The following AFM variants were observed in gnomAD, a reference collection of about 807,000 sequenced individuals.
AFM encodes the protein afamin, also known as alpha-Alb.
In AFM, 82 loss-of-function variants were observed where a neutral mutation model predicts 68.7. The ratio of observed to expected loss-of-function variants is 1.19; its 90% CI spans 1.00 to 1.43. The LOEUF (loss-of-function observed/expected upper bound fraction) is 1.43, where lower values mean the gene tolerates loss of function less well. Among genes scored for constraint, AFM ranks in the 40% most tolerant of loss-of-function variants. The probability of loss-of-function intolerance (pLI) is 0.00; values close to 1 mark genes in which losing one functional copy is unlikely to be tolerated. For synonymous variants in AFM, 250 were observed against 234.2 expected (o/e 1.07, Z -0.61); for missense variants, 772 against 701.8 (o/e 1.10, Z -1.13).
intron 13 of AFM, 45 bp from the exon 14 acceptor site, chr4:73,503,005 T>C: frequency 6.3e-7 from 1 of 1,594,216 alleles, no homozygotes; most frequent in Non-Finnish European, 8.6e-7. Flanking sequence ...ACTAGTGTCT[T>C]AAATTTTTCT....
Position 73,481,867 on chromosome 4 carries a change from A to G in AFM, c.88+4A>G. ...CCCACACAACCTCGGGATATAGGTAAGAAATTTACTTGTATATCAGCTAAA... is the reference window on the plus strand; with the variant it reads ...CCCACACAACCTCGGGATATAGGTAGGAAATTTACTTGTATATCAGCTAAA... On this transcript the variant is annotated splice_donor_region_variant and intron_variant, in intron 1 of 14. Coordinates refer to ENST00000226355, the MANE Select transcript of AFM (RefSeq NM_001133.2). 1.3e-6 allele frequency: 2 copies of G among 1,569,508 alleles called. No homozygotes were observed. The highest frequency in any genetic ancestry group is 1.7e-6 in the Non-Finnish European group (2 of 1,149,070).
At chr4:73,503,457 G>A (rs1054319382) in intron 14 of AFM, among the ~76,000 whole-genome samples, 2 of 152,112 alleles carry the variant, frequency 1.3e-5, no homozygotes, top group African/African-American at 4.8e-5. Flanking sequence ...AAGAAGAGGG[G>A]TAACTCCCTG....
chr4:73,491,849 T>A, intron 7 of AFM, 23 bp from the exon 8 acceptor site: 2 of 1,587,914 alleles, frequency 1.3e-6, no homozygotes, highest in Non-Finnish European at 1.7e-6. Context: ...AGTAAAATAA[T>A]CTCTCATTCT....
chr4:73,493,291 T>C (rs1310166885), intron 8 of AFM, among the ~76,000 whole-genome samples: 4 of 152,210 alleles, frequency 2.6e-5, no homozygotes, highest in Non-Finnish European at 5.9e-5. Context: ...TTTCAGTTTT[T>C]AGAAACCTCA....
intron 4 of AFM, among the ~76,000 whole-genome samples, chr4:73,486,534 T>C (rs2149343312): frequency 6.6e-6 from 1 of 152,308 alleles, no homozygotes; most frequent in South Asian, 2.1e-4. Context: ...ATCACAAATT[T>C]ATCTGAAAAA....
At chr4:73,485,117 C>T (rs1039169322) in intron 3 of AFM, among the ~76,000 whole-genome samples, 5 of 152,102 alleles carry the variant, frequency 3.3e-5, no homozygotes, top group African/African-American at 1.2e-4. Flanking sequence ...ACAGAGGTAC[C>T]TCCTTAGCTG....
Position 73,487,825 on chromosome 4 carries a change from A to G in AFM, c.713+4A>G, listed in dbSNP as rs747883589. The G allele has an allele frequency of 9.0e-6, 14 of 1,558,642 alleles. No homozygotes were observed. Among genetic ancestry groups the G allele is most frequent in the Middle Eastern group, 1.7e-4 (1 of 6,000 alleles). On this transcript the variant is annotated splice_donor_region_variant and intron_variant, in intron 6 of 14. Coordinates refer to ENST00000226355, the MANE Select transcript of AFM (RefSeq NM_001133.2). ...GAACCAAAGTTGTACACTTTATGTG[A>G]GTTTTATACTATATGTCTTGTCTCT...
intron 12 of AFM, among the ~76,000 whole-genome samples, chr4:73,501,512 C>T (rs1431744116): frequency 6.6e-6 from 1 of 151,928 alleles, no homozygotes; most frequent in Non-Finnish European, 1.5e-5. Flanking sequence ...TTTTTGTACT[C>T]CTTGGCCAAC....
In AFM at chr4:73,492,048, T is replaced by G; in HGVS notation, c.1020T>G (p.Cys340Trp). Residue 340 changes from cysteine (C) to tryptophan (W), a missense_variant, in exon 8 of 15, where the codon TGT (cysteine) becomes TGG (tryptophan). Physicochemically the swap from Cys to Trp is radical, Grantham distance 215 (BLOSUM62 -2). Coordinates refer to ENST00000226355, the MANE Select transcript of AFM (RefSeq NM_001133.2). Reference sequence around the variant, plus strand: ...AATTTACTGACAGTGAAAATGTGTGTCAAGAACGAGATGCTGACCCAGACA... The same window carrying G: ...AATTTACTGACAGTGAAAATGTGTGGCAAGAACGAGATGCTGACCCAGACA... ...EGKFTDSENV[C>W]QERDADPDTF... The G allele has an allele frequency of 6.2e-7, 1 of 1,612,976 alleles. No individual in the cohort carries two copies. The highest frequency in any genetic ancestry group is 1.7e-4 in the Middle Eastern group (1 of 6,050).
intron 4 of AFM, 146 bp from the exon 5 acceptor site, chr4:73,486,821 C>A: frequency 6.3e-6 from 5 of 796,932 alleles, no homozygotes; most frequent in Non-Finnish European, 9.6e-6. Context: ...CCTTGTTTTA[C>A]AACTTGCTCT....
rs2149343081 is a variant in AFM at position 73,485,885 on chromosome 4, A to G, written c.294A>G (p.Ile98Met). ...AGAATAATGTTTTACAGGAAAAAAT[A>G]TGTGCTATGGAGGGGCTGCCACAAA... ...KLPNNVLQEK[I>M]CAMEGLPQKH... Residue 98 changes from isoleucine (I) to methionine (M), a missense_variant, in exon 4 of 15, where the codon ATA becomes ATG. Coordinates refer to ENST00000226355, the MANE Select transcript of AFM (RefSeq NM_001133.2). The G allele has an allele frequency of 3.1e-6, 5 of 1,613,974 alleles. No homozygotes were observed. The highest frequency in any genetic ancestry group is 4.2e-6 in the Non-Finnish European group (5 of 1,179,912).
chr4:73,497,533 G>A, intron 9 of AFM, 119 bp from the exon 10 acceptor site: 1 of 537,618 alleles, frequency 1.9e-6, no homozygotes, highest in Non-Finnish European at 3.0e-6. Context: ...TGAATTTAGT[G>A]TAATAATGAG....
chr4:73,493,081 T>C (rs1721125409), intron 8 of AFM, among the ~76,000 whole-genome samples: 1 of 152,128 alleles, frequency 6.6e-6, no homozygotes, highest in Non-Finnish European at 1.5e-5. Flanking sequence ...AAGTGGTACT[T>C]GAAGAAATTT....
intron 9 of AFM, among the ~76,000 whole-genome samples, chr4:73,497,134 A>G (rs1721279999): frequency 6.6e-6 from 1 of 152,324 alleles, no homozygotes; most frequent in South Asian, 2.1e-4. Flanking sequence ...ATGCCACATG[A>G]GAGATAGTCC....
chr4:73,486,727 G>A (rs911975461), intron 4 of AFM, among the ~76,000 whole-genome samples: 3 of 152,136 alleles, frequency 2.0e-5, no homozygotes, highest in Middle Eastern at 3.2e-3. Context: ...TCAATGATAA[G>A]GACTTCAAAG....
intron 10 of AFM, among the ~76,000 whole-genome samples, chr4:73,498,229 G>T (rs1031800713): frequency 6.6e-6 from 1 of 151,474 alleles, no homozygotes; most frequent in Non-Finnish European, 1.5e-5. Context: ...TGCAGTTTGG[G>T]TTTTTTTCAA....
chr4:73,503,170 C>T, intron 14 of AFM, 60 bp downstream of exon 14: 2 of 1,278,060 alleles, frequency 1.6e-6, no homozygotes, highest in Admixed American at 1.8e-5. Context: ...GATCTCCTTG[C>T]CTTTTCTCCC....
chr4:73,486,833 C>T, intron 4 of AFM, 134 bp from the exon 5 acceptor site: 1 of 899,792 alleles, frequency 1.1e-6, no homozygotes, highest in Non-Finnish European at 1.7e-6. Context: ...ACTTGCTCTT[C>T]TTGTCTCTTT....
chr4:73,487,369 A>G (rs1577974086), intron 5 of AFM, among the ~76,000 whole-genome samples: 1 of 152,286 alleles, frequency 6.6e-6, no homozygotes, highest in South Asian at 2.1e-4. Flanking sequence ...GTGAATGCCC[A>G]GGGTGAATGA....
Sources: gnomAD v4.1 joint callset for allele counts (sites outside exome capture counted in the v4.1 genomes callset) on GRCh38, gnomAD v4.1.1 for gene constraint, MANE v1.5 for transcripts, NCBI Gene and HGNC (gene_info 2026-07-23, HGNC 2026-07-21) for gene names.